Variants in UBL3 observed in about 807,000 individuals in gnomAD.
UBL3 encodes ubiquitin-like protein 3.
UBL3 carries 6 observed loss-of-function variants against 18.4 expected under a neutral mutation model. The observed-to-expected ratio is 0.33, with a 90% CI of 0.18 to 0.64. The LOEUF is 0.64. UBL3 is among the 30% of genes least tolerant of loss of function. UBL3 has a pLI of 0.76. For missense variants in UBL3, 109 were observed against 142.9 expected (o/e 0.76, Z 1.21); for synonymous variants, 49 against 46.6 (o/e 1.05, Z -0.21).
intron 1 of UBL3, among the ~76,000 whole-genome samples, chr13:29,790,664 A>G (rs1163136404): frequency 6.6e-6 from 1 of 152,212 alleles, no homozygotes; most frequent in Non-Finnish European, 1.5e-5. Flanking sequence ...GCATGTTAAC[A>G]TATTAAAAGG....
At chr13:29,802,670 A>G (rs1877802678) in intron 1 of UBL3, among the ~76,000 whole-genome samples, 1 of 152,256 alleles carries the variant, frequency 6.6e-6, no homozygotes, top group Non-Finnish European at 1.5e-5. Context: ...AATTGCAAGT[A>G]TTAATGGCAG....
chr13:29,781,366 C>A (rs563609559), intron 1 of UBL3, among the ~76,000 whole-genome samples: 1 of 152,148 alleles, frequency 6.6e-6, no homozygotes, highest in Non-Finnish European at 1.5e-5. Flanking sequence ...TGTATTCCTG[C>A]ATTTTCTAAT....
chr13:29,829,881 G>A (rs964380732), intron 1 of UBL3, among the ~76,000 whole-genome samples: 23 of 152,176 alleles, frequency 1.5e-4, no homozygotes, highest in Admixed American at 1.2e-3. Flanking sequence ...AAAATGTTAA[G>A]AATGGTCAAT....
chr13:29,797,518 C>G (rs1364712902), intron 1 of UBL3, among the ~76,000 whole-genome samples: 1 of 152,154 alleles, frequency 6.6e-6, no homozygotes, highest in Non-Finnish European at 1.5e-5. Context: ...CACTGACATT[C>G]CCCAATACAT....
intron 1 of UBL3, among the ~76,000 whole-genome samples, chr13:29,801,315 A>C (rs1877759176): frequency 6.6e-6 from 1 of 152,186 alleles, no homozygotes; most frequent in African/African-American, 2.4e-5. Context: ...TCCCACTGCT[A>C]GTAACTCTGT....
Position 29,835,122 on chromosome 13 carries a change from ATAAATATATATATATATATATATATAT to A in UBL3, c.27+14363_27+14389del, listed in dbSNP as rs1566001032. ...TATATATATAAATATATATATATAT[ATAAATATATATATATATATATATATAT>A]ATATATATATATATATATATATATA... On this transcript the variant is annotated intron_variant, in intron 1 of 4. Coordinates refer to ENST00000380680, the MANE Select transcript of UBL3 (RefSeq NM_007106.4). 2.4e-4 allele frequency among the ~76,000 whole-genome samples: 9 copies of A among 36,736 alleles called. 1 individual carries two copies. The highest frequency in any genetic ancestry group is 6.3e-4 in the East Asian group (1 of 1,582). 24.1% of individuals were successfully genotyped at this position (36,736 alleles called of 152,430 possible). A position where few individuals can be genotyped will look rare whatever the true frequency, so the allele number is the denominator to read the frequency against.
At chr13:29,826,295 T>C (rs879964290) in intron 1 of UBL3, among the ~76,000 whole-genome samples, 1 of 152,228 alleles carries the variant, frequency 6.6e-6, no homozygotes, top group Non-Finnish European at 1.5e-5. Flanking sequence ...CTTGTACCTC[T>C]GCTAGAATTC....
intron 1 of UBL3, among the ~76,000 whole-genome samples, chr13:29,823,835 C>T (rs1337674874): frequency 6.6e-6 from 1 of 151,622 alleles, no homozygotes; most frequent in Non-Finnish European, 1.5e-5. Flanking sequence ...TTAGGTGTAT[C>T]TCCTAATGCT....
At chr13:29,798,807 C>T (rs967886394) in intron 1 of UBL3, among the ~76,000 whole-genome samples, 1 of 152,040 alleles carries the variant, frequency 6.6e-6, no homozygotes, top group Non-Finnish European at 1.5e-5. Context: ...ACTCATCAAA[C>T]GTTATAATTT....
chr13:29,770,120 C>T (rs1043374982), intron 3 of UBL3, among the ~76,000 whole-genome samples: 4 of 152,084 alleles, frequency 2.6e-5, no homozygotes. Context: ...TAGGGCCACA[C>T]AAAGCCTTCT....
At chr13:29,827,937 G>A (rs990322911) in intron 1 of UBL3, among the ~76,000 whole-genome samples, 3 of 152,124 alleles carry the variant, frequency 2.0e-5, no homozygotes, top group Non-Finnish European at 2.9e-5. Flanking sequence ...CTTCACTTAC[G>A]AAGCTTAGTT....
intron 1 of UBL3, among the ~76,000 whole-genome samples, chr13:29,827,185 T>C (rs1878645436): frequency 6.6e-6 from 1 of 152,260 alleles, no homozygotes; most frequent in Non-Finnish European, 1.5e-5. Context: ...GAGAGTTCTG[T>C]AGATGTCTAT....
chr13:29,784,975 G>A (rs1282215246), intron 1 of UBL3, among the ~76,000 whole-genome samples: 2 of 152,116 alleles, frequency 1.3e-5, no homozygotes, highest in Non-Finnish European at 1.5e-5. Flanking sequence ...GCGGGATCTC[G>A]GCTCGCCGCA....
intron 1 of UBL3, among the ~76,000 whole-genome samples, chr13:29,839,509 A>C (rs1193302807): frequency 6.6e-6 from 1 of 152,240 alleles, no homozygotes; most frequent in Admixed American, 6.5e-5. Flanking sequence ...CAAAGGAGCC[A>C]GGCACAGTGG....
At chr13:29,794,564 T>C (rs1877562250) in intron 1 of UBL3, among the ~76,000 whole-genome samples, 1 of 152,206 alleles carries the variant, frequency 6.6e-6, no homozygotes, top group Non-Finnish European at 1.5e-5. Context: ...CAACTATTTT[T>C]ATAGAGCTAC....
At chr13:29,779,835 C>T (rs998209173) in intron 1 of UBL3, among the ~76,000 whole-genome samples, 1 of 152,080 alleles carries the variant, frequency 6.6e-6, no homozygotes, top group Non-Finnish European at 1.5e-5. Flanking sequence ...GTTTTACCTC[C>T]CAAAGTGACT....
intron 1 of UBL3, among the ~76,000 whole-genome samples, chr13:29,821,969 C>T (rs1878465473): frequency 1.3e-5 from 2 of 152,142 alleles, no homozygotes; most frequent in South Asian, 4.1e-4. Flanking sequence ...ATTAGAAGAT[C>T]CAGAAACTTG....
chr13:29,811,460 T>C (rs1302942264), intron 1 of UBL3, among the ~76,000 whole-genome samples: 1 of 152,104 alleles, frequency 6.6e-6, no homozygotes, highest in Non-Finnish European at 1.5e-5. Context: ...CCATGTGACC[T>C]AGTTCTGGAC....
intron 2 of UBL3, 25 bp from the exon 3 acceptor site, chr13:29,772,223 T>G: frequency 1.3e-6 from 2 of 1,583,122 alleles, no homozygotes; most frequent in Non-Finnish European, 1.7e-6. Flanking sequence ...GTGTACTGGT[T>G]AGGTATATTC....
Sources: gnomAD v4.1 joint callset for allele counts (sites outside exome capture counted in the v4.1 genomes callset) on GRCh38, gnomAD v4.1.1 for gene constraint, MANE v1.5 for transcripts, NCBI Gene and HGNC (gene_info 2026-07-23, HGNC 2026-07-21) for gene names.